The following PPFIBP1 variants were observed in gnomAD, a reference collection of about 807,000 sequenced individuals.
PPFIBP1 encodes the protein PPFIB scaffold protein 1.
Under a neutral mutation model 137.8 loss-of-function variants are expected in PPFIBP1, and 112 were observed. The observed-to-expected ratio is 0.81, with a 90% CI of 0.70 to 0.95. The LOEUF is 0.95. Ranked by LOEUF, PPFIBP1 falls within the 40% of genes least tolerant of loss-of-function variation. The pLI is 0.00. For missense variants in PPFIBP1, 1,083 were observed against 1,196.6 expected, an observed-to-expected ratio of 0.91 and a Z score of 1.40; for synonymous variants, 378 against 417.3, an observed-to-expected ratio of 0.91 and a Z score of 1.15.
At position 27,546,850 on chromosome 12, in the gene PPFIBP1, C is replaced by CA. The variant is rs1229912464; in HGVS notation, c.-124+22491dup. ...GCAACATGGTGAAACCCCATCTCTACAAAAAATGCAAAAAACTGGCCAGGC... is the reference window on the plus strand; with the variant it reads ...GCAACATGGTGAAACCCCATCTCTACAAAAAAATGCAAAAAACTGGCCAGGC... On this transcript the variant is annotated intron_variant, in intron 1 of 29. Coordinates refer to ENST00000228425, the MANE Select transcript of PPFIBP1 (RefSeq NM_003622.4). Among the ~76,000 whole-genome samples, 13 of 152,086 alleles carry CA rather than the reference C, an allele frequency of 8.5e-5. No individual in the cohort carries two copies. The East Asian group carries it at 2.5e-3, about 29-fold the overall frequency.
At chr12:27,625,831 G>A (rs201396902) in intron 2 of PPFIBP1, among the ~76,000 whole-genome samples, 4 of 152,000 alleles carry the variant, frequency 2.6e-5, no homozygotes, top group Middle Eastern at 6.8e-3. Context: ...TGATCTGCCC[G>A]CCTTGGCCTC....
chr12:27,541,116 T>C (rs1945606006), intron 1 of PPFIBP1, among the ~76,000 whole-genome samples: 1 of 152,210 alleles, frequency 6.6e-6, no homozygotes, highest in East Asian at 1.9e-4. Context: ...TGGAAGTCTC[T>C]ATTCTGAATA....
intron 2 of PPFIBP1, among the ~76,000 whole-genome samples, chr12:27,581,227 C>G (rs1029216266): frequency 2.0e-5 from 3 of 152,182 alleles, no homozygotes; most frequent in African/African-American, 7.2e-5. Flanking sequence ...TGGCAGGTGG[C>G]ACGTATATGA....
Position 27,644,433 on chromosome 12 carries a change from G to T in PPFIBP1, c.271-1629G>T, listed in dbSNP as rs534013883. On this transcript the variant is annotated intron_variant, in intron 4 of 29. Transcript: ENST00000228425. ...GCAGTTTTTTTCTACTTACTGAAAT[G>T]TATCTGTTTCCAAACTATTGTTACT... Among the ~76,000 whole-genome samples, 140 of 151,950 alleles carry T rather than the reference G, an allele frequency of 9.2e-4. 5 individuals carry two copies. The South Asian group carries it at 0.027, about 30-fold the overall frequency.
In PPFIBP1 at chr12:27,535,467, G is replaced by A. The variant is rs555501259; in HGVS notation, c.-124+11102G>A. On this transcript the variant is annotated intron_variant, in intron 1 of 29. Transcript: ENST00000228425. ...CTCACTCTGTCACCCAAGCTACAGC[G>A]AGGTGGTGTGGTCACGGCTCATTGC... Among the ~76,000 whole-genome samples, 19 of 152,248 alleles carry A rather than the reference G, an allele frequency of 1.2e-4. No individual in the cohort carries two copies. In the East Asian group the frequency reaches 2.9e-3, roughly 23 times the overall value.
intron 1 of PPFIBP1, chr12:27,547,969 C>T (rs934055747): frequency 6.6e-6 from 1 of 152,124 alleles, no homozygotes; most frequent in Admixed American, 6.5e-5. Flanking sequence ...GTGGGTAGCG[C>T]CAAATGCCCG....
chr12:27,609,583 A>AT (rs1250073571), intron 2 of PPFIBP1, among the ~76,000 whole-genome samples: 1 of 151,856 alleles, frequency 6.6e-6, no homozygotes, highest in East Asian at 1.9e-4. Context: ...ACGCAGGGAG[A>AT]TTTTTTTTAG....
chr12:27,664,202 G>A (rs2059719083), intron 11 of PPFIBP1, among the ~76,000 whole-genome samples, 160 bp from the exon 12 acceptor site: 1 of 152,112 alleles, frequency 6.6e-6, no homozygotes, highest in African/African-American at 2.4e-5. Flanking sequence ...TTTAAATAAG[G>A]TAAATAATTC....
At chr12:27,668,166 C>A (rs1274648180) in intron 13 of PPFIBP1, among the ~76,000 whole-genome samples, 1 of 152,172 alleles carries the variant, frequency 6.6e-6, no homozygotes, top group Admixed American at 6.5e-5. Flanking sequence ...TCCGAAGACC[C>A]CTAAGTCCCA....
chr12:27,633,817 C>CCCCAATG (rs1555222285), intron 3 of PPFIBP1, among the ~76,000 whole-genome samples: 1 of 147,198 alleles, frequency 6.8e-6, no homozygotes, highest in Non-Finnish European at 1.5e-5. Context: ...ATTCACTTTC[C>CCCCAATG]ACCAATGACT....
Position 27,691,908 on chromosome 12 carries a change from G to T in PPFIBP1, c.2845G>T (p.Asp949Tyr). 1.2e-6 allele frequency: 2 copies of T among 1,612,016 alleles called. No homozygotes were observed. The highest frequency in any genetic ancestry group is 2.2e-5 in the South Asian group (2 of 90,232). The change falls in exon 28 of 30, where the codon GAT becomes TAT. Residue 949 changes from aspartate (D) to tyrosine (Y), a missense_variant. Physicochemically the swap from Asp to Tyr is radical, Grantham distance 160. Transcript: ENST00000228425. ...GLDMRLYEED[D>Y]LDRLEQMEDS... Reference sequence around the variant, plus strand: ...GGATATGCGCCTGTATGAGGAAGATGATTTGGACCGGTTAGAGCAGGTAAA... The same window carrying T: ...GGATATGCGCCTGTATGAGGAAGATTATTTGGACCGGTTAGAGCAGGTAAA...
intron 10 of PPFIBP1, among the ~76,000 whole-genome samples, chr12:27,660,230 T>C (rs1409810805): frequency 1.3e-5 from 2 of 152,178 alleles, no homozygotes; most frequent in Non-Finnish European, 2.9e-5. Context: ...ATAAGTTTTT[T>C]ATTATTCAAG....
chr12:27,670,560 C>T (rs1216651444), intron 13 of PPFIBP1, among the ~76,000 whole-genome samples: 1 of 151,988 alleles, frequency 6.6e-6, no homozygotes, highest in African/African-American at 2.4e-5. Context: ...GAGGACTGCT[C>T]GAGCACAGAG....
chr12:27,612,171 T>A (rs578171077), intron 2 of PPFIBP1, among the ~76,000 whole-genome samples: 1 of 152,254 alleles, frequency 6.6e-6, no homozygotes, highest in Non-Finnish European at 1.5e-5. Context: ...AGGGATGCCG[T>A]CAGAGGTACA....
Position 27,587,012 on chromosome 12 carries a change from T to C in PPFIBP1, c.-36+8773T>C, listed in dbSNP as rs12227342. ...ACCTATCTCCGCATTCGGCAAAAAT[T>C]ATTCTTTTTAATCTCAACAAAAGCT... is the stretch of plus-strand genomic sequence containing the variant. On this transcript the variant is annotated intron_variant, in intron 2 of 29. Coordinates refer to ENST00000228425, the MANE Select transcript of PPFIBP1 (RefSeq NM_003622.4). 2.4e-3 allele frequency among the ~76,000 whole-genome samples: 369 copies of C among 152,310 alleles called. 8 individuals are homozygous for C. The East Asian group carries it at 0.066, about 27-fold the overall frequency.
At chr12:27,558,077 T>C (rs1335771191) in intron 1 of PPFIBP1, among the ~76,000 whole-genome samples, 1 of 152,220 alleles carries the variant, frequency 6.6e-6, no homozygotes, top group African/African-American at 2.4e-5. Flanking sequence ...GTAGAAAGTG[T>C]TCTTTCTACA....
chr12:27,548,910 C>A (rs1946493557), intron 1 of PPFIBP1: 1 of 152,148 alleles, frequency 6.6e-6, no homozygotes, highest in Non-Finnish European at 1.5e-5. Flanking sequence ...TAACCTGTTT[C>A]CATTATGGGT....
At chr12:27,636,201 G>A (rs985392197) in intron 4 of PPFIBP1, 25 of 152,304 alleles carry the variant, frequency 1.6e-4, no homozygotes, top group South Asian at 4.1e-4. Flanking sequence ...TTACCTCTGC[G>A]TTTCTGAGAG....
At chr12:27,679,703 C>A in intron 20 of PPFIBP1, 64 bp downstream of exon 20, 1 of 1,555,432 alleles carries the variant, frequency 6.4e-7, no homozygotes, top group Non-Finnish European at 8.8e-7. Flanking sequence ...AGTGGCTGGA[C>A]ATGGGTATGG....
Sources: gnomAD v4.1 joint callset for allele counts (sites outside exome capture counted in the v4.1 genomes callset) on GRCh38, gnomAD v4.1.1 for gene constraint, MANE v1.5 for transcripts, NCBI Gene and HGNC (gene_info 2026-07-23, HGNC 2026-07-21) for gene names.